RIMS2: variants seen among roughly 807,000 people sequenced by gnomAD.
RIMS2 encodes the protein regulating synaptic membrane exocytosis 2.
Under a neutral mutation model 174.4 loss-of-function variants are expected in RIMS2, and 59 were observed. The observed-to-expected ratio is 0.34, with a 90% CI of 0.27 to 0.42. The LOEUF (loss-of-function observed/expected upper bound fraction) is 0.42, where lower values mean the gene tolerates loss of function less well. Among genes scored for constraint, RIMS2 ranks in the 10% least tolerant of loss-of-function variants. The pLI, the probability that RIMS2 is intolerant of heterozygous loss-of-function variation, is 1.00. For synonymous variants in RIMS2, 606 were observed against 572.5 expected (o/e 1.06, Z -0.84); for missense variants, 1,620 against 1,666.3 (o/e 0.97, Z 0.48).
chr8:103,877,327 G>A (rs190675202), intron 3 of RIMS2, among the ~76,000 whole-genome samples: 1 of 151,852 alleles, frequency 6.6e-6, no homozygotes, highest in Non-Finnish European at 1.5e-5. Flanking sequence ...TCATATGTCT[G>A]TTGGCCATTT....
At chr8:103,839,857 C>CAAAACA (rs371646173) in intron 3 of RIMS2, among the ~76,000 whole-genome samples, 20 of 152,178 alleles carry the variant, frequency 1.3e-4, no homozygotes, top group South Asian at 2.1e-4. Context: ...ATATGTAGCG[C>CAAAACA]AAAACAAAAA....
chr8:103,626,688 C>G (rs2095794912), intron 1 of RIMS2, among the ~76,000 whole-genome samples: 1 of 152,034 alleles, frequency 6.6e-6, no homozygotes, highest in South Asian at 2.1e-4. Context: ...GTCAGCTGGT[C>G]TGAGAAATAA....
At chr8:103,500,812 A>G in exon 1 of RIMS2, 1 of 941,252 alleles carries the variant, frequency 1.1e-6, no homozygotes. Flanking sequence ...AGGCTGCCCC[A>G]GCCGCCGCGC....
chr8:104,062,548 T>C (rs894535303), intron 19 of RIMS2, among the ~76,000 whole-genome samples: 1 of 152,204 alleles, frequency 6.6e-6, no homozygotes, highest in Non-Finnish European at 1.5e-5. Flanking sequence ...CTTAGTTCTC[T>C]GTTGAAAGAA....
chr8:103,652,802 T>C (rs2096476112), intron 1 of RIMS2, 92 bp downstream of exon 3: 2 of 746,546 alleles, frequency 2.7e-6, no homozygotes, highest in Non-Finnish European at 4.0e-6. Flanking sequence ...TGAAATAGTA[T>C]GCCCTCAGAA....
chr8:103,641,266 C>T (rs1008377166), intron 1 of RIMS2, among the ~76,000 whole-genome samples: 1 of 151,990 alleles, frequency 6.6e-6, no homozygotes, highest in Non-Finnish European at 1.5e-5. Context: ...AATAGATATA[C>T]AAATTTTAGA....
intron 1 of RIMS2, among the ~76,000 whole-genome samples, chr8:103,655,639 C>T (rs2096520933): frequency 6.6e-6 from 1 of 151,990 alleles, no homozygotes; most frequent in African/African-American, 2.4e-5. Context: ...ATATAGTAAT[C>T]CTCTTTGGCT....
chr8:103,951,314 G>A (rs910242950), intron 14 of RIMS2, among the ~76,000 whole-genome samples: 6 of 152,206 alleles, frequency 3.9e-5, no homozygotes, highest in Admixed American at 1.3e-4. Flanking sequence ...TGGCACAATT[G>A]CTGGCAAGAT....
At chr8:104,225,037 T>C (rs1332463282) in intron 19 of RIMS2, among the ~76,000 whole-genome samples, 1 of 152,238 alleles carries the variant, frequency 6.6e-6, no homozygotes, top group Non-Finnish European at 1.5e-5. Context: ...AATTAAATAT[T>C]TAAAATTCTA....
intron 3 of RIMS2, among the ~76,000 whole-genome samples, chr8:103,813,004 A>T (rs1372563310): frequency 6.6e-6 from 1 of 152,208 alleles, no homozygotes; most frequent in African/African-American, 2.4e-5. Flanking sequence ...GGGACTACAG[A>T]TATAAATTTT....
At chr8:104,130,615 A>G (rs1178161256) in intron 19 of RIMS2, among the ~76,000 whole-genome samples, 1 of 152,162 alleles carries the variant, frequency 6.6e-6, no homozygotes, top group Non-Finnish European at 1.5e-5. Flanking sequence ...CAATTTGCCA[A>G]CAGGTGCTTA....
chr8:103,580,825 CTT>C (rs61559970), intron 1 of RIMS2, among the ~76,000 whole-genome samples: 27 of 113,460 alleles, frequency 2.4e-4, no homozygotes, highest in Non-Finnish European at 2.0e-4. Flanking sequence ...AAAGGGAATA[CTT>C]TTTTTTTTTT....
intron 19 of RIMS2, 64 bp downstream of exon 22, chr8:104,041,422 T>A: frequency 3.1e-6 from 2 of 651,968 alleles, no homozygotes; most frequent in Non-Finnish European, 5.6e-6. Flanking sequence ...AAATGTTTAA[T>A]CATTTTTTTA....
chr8:103,529,128 T>G (rs1056017285), intron 1 of RIMS2, among the ~76,000 whole-genome samples: 21 of 152,346 alleles, frequency 1.4e-4, no homozygotes, highest in African/African-American at 4.6e-4. Context: ...GTTGGATTCC[T>G]AGGTATTTTA....
intron 19 of RIMS2, among the ~76,000 whole-genome samples, chr8:104,144,387 T>G (rs1298983873): frequency 1.3e-5 from 2 of 152,204 alleles, no homozygotes; most frequent in Admixed American, 6.5e-5. Context: ...TGTAGTAATC[T>G]GTTAGGATTA....
chr8:103,584,054 C>T (rs763232964), intron 1 of RIMS2, among the ~76,000 whole-genome samples: 1 of 151,890 alleles, frequency 6.6e-6, no homozygotes, highest in Non-Finnish European at 1.5e-5. Context: ...AATAAACTCC[C>T]AAAGGTCAAG....
At chr8:103,710,087 C>T (rs1399435655) in intron 2 of RIMS2, among the ~76,000 whole-genome samples, 1 of 151,748 alleles carries the variant, frequency 6.6e-6, no homozygotes, top group Non-Finnish European at 1.5e-5. Flanking sequence ...GCTTAGTTGC[C>T]TTATGTAGAA....
chr8:103,979,909 A>T (rs2093751537), intron 16 of RIMS2, among the ~76,000 whole-genome samples: 2 of 152,208 alleles, frequency 1.3e-5, no homozygotes, highest in African/African-American at 2.4e-5. Context: ...TTAGCCAGAG[A>T]GGAATCACCC....
At chr8:103,504,255 G>T (rs1398003802) in intron 1 of RIMS2, among the ~76,000 whole-genome samples, 1 of 151,846 alleles carries the variant, frequency 6.6e-6, no homozygotes, top group Non-Finnish European at 1.5e-5. Flanking sequence ...TTGAGGGCAA[G>T]AATCAAAATT....
Sources: gnomAD v4.1 joint callset for allele counts (sites outside exome capture counted in the v4.1 genomes callset) on GRCh38, gnomAD v4.1.1 for gene constraint, MANE v1.5 for transcripts, NCBI Gene and HGNC (gene_info 2026-07-23, HGNC 2026-07-21) for gene names.